The following PLCE1 variants were observed in gnomAD, a reference collection of about 807,000 sequenced individuals.
PLCE1 encodes 1-phosphatidylinositol 4,5-bisphosphate phosphodiesterase epsilon-1.
PLCE1 carries 119 observed loss-of-function variants against 242.8 expected under a neutral mutation model. That is an observed-to-expected ratio of 0.49 (90% CI 0.42 to 0.57). The LOEUF is 0.57. PLCE1 is among the 20% of genes least tolerant of loss of function. The pLI is 0.00. For missense variants in PLCE1, 2,441 were observed against 2,788.8 expected (o/e 0.88, Z 2.81); for synonymous variants, 945 against 1,017.4 (o/e 0.93, Z 1.35).
At chr10:94,087,489 G>A (rs1366781003) in intron 2 of PLCE1, among the ~76,000 whole-genome samples, 1 of 151,696 alleles carries the variant, frequency 6.6e-6, no homozygotes, top group Non-Finnish European at 1.5e-5. Flanking sequence ...CATCCAGGCT[G>A]GAGTGCAGTG....
chr10:94,137,046 A>C (rs1364926558), intron 3 of PLCE1, among the ~76,000 whole-genome samples: 1 of 152,178 alleles, frequency 6.6e-6, no homozygotes, highest in Non-Finnish European at 1.5e-5. Flanking sequence ...CAAAAAAATT[A>C]GCCGGGTATG....
chr10:94,171,673 C>T (rs1286335694), intron 4 of PLCE1, among the ~76,000 whole-genome samples, 177 bp downstream of exon 4: 1 of 152,048 alleles, frequency 6.6e-6, no homozygotes, highest in Non-Finnish European at 1.5e-5. Context: ...GCAATCCTTC[C>T]TCTCACTGTA....
chr10:94,301,150 G>T (rs1407735576), intron 24 of PLCE1, among the ~76,000 whole-genome samples: 1 of 151,946 alleles, frequency 6.6e-6, no homozygotes, highest in African/African-American at 2.4e-5. Context: ...TTCAAGACCA[G>T]CCTGGCCAAC....
chr10:94,098,347 A>G (rs143455033), intron 2 of PLCE1, among the ~76,000 whole-genome samples: 5 of 152,296 alleles, frequency 3.3e-5, no homozygotes, highest in East Asian at 3.9e-4. Flanking sequence ...TGTTTTATCA[A>G]TCTCCCCTCA....
intron 1 of PLCE1, among the ~76,000 whole-genome samples, chr10:93,995,727 C>T (rs1443186049): frequency 6.6e-6 from 1 of 152,228 alleles, no homozygotes; most frequent in African/African-American, 2.4e-5. Context: ...TACCCAGGAG[C>T]CATGTCTTAC....
chr10:94,313,196 T>C, intron 27 of PLCE1, 58 bp from the exon 28 acceptor site: 2 of 1,604,138 alleles, frequency 1.2e-6, no homozygotes, highest in South Asian at 2.2e-5. Flanking sequence ...CTGTATCAAA[T>C]AGAGCTTAGA....
chr10:94,033,598 G>C (rs1032892064), intron 2 of PLCE1, among the ~76,000 whole-genome samples: 1 of 151,952 alleles, frequency 6.6e-6, no homozygotes, highest in Non-Finnish European at 1.5e-5. Flanking sequence ...TCCTCAACCA[G>C]ATTTCCAGGT....
intron 26 of PLCE1, among the ~76,000 whole-genome samples, chr10:94,308,180 C>T (rs920447523): frequency 5.9e-5 from 9 of 152,216 alleles, no homozygotes; most frequent in Non-Finnish European, 1.2e-4. Context: ...CTTACACTTA[C>T]AGTCATACCA....
chr10:94,145,413 A>G (rs1250518270), intron 3 of PLCE1, among the ~76,000 whole-genome samples: 1 of 152,194 alleles, frequency 6.6e-6, no homozygotes, highest in Admixed American at 6.5e-5. Flanking sequence ...ACCCCATGCC[A>G]TACTCACTGA....
In PLCE1 at chr10:94,111,072, T is replaced by C. The variant is rs541369814; in HGVS notation, c.1207-21102T>C. ...TGTTCTAGAATCATGCACTGATACA[T>C]CCCAAATACCCACTCCCTGGGAGAC... On this transcript the variant is annotated intron_variant, in intron 2 of 32. Transcript: ENST00000371380. Among the ~76,000 whole-genome samples, 5 of 152,282 alleles carry C rather than the reference T, an allele frequency of 3.3e-5. No homozygotes were observed. In the East Asian group the frequency reaches 7.7e-4, roughly 24 times the overall value.
rs189200120 is a variant in PLCE1 at position 94,309,054 on chromosome 10, A to G, written c.6003+355A>G. On this transcript the variant is annotated intron_variant, in intron 27 of 32. Transcript: ENST00000371380. The stretch of plus-strand genomic sequence containing the variant: ...TGTCTATCAGGGAAGTAAGCCAAAT[A>G]TAACAAAGTGAGGAAGAGGCTTATT... Among the ~76,000 whole-genome samples, 150 of 152,366 alleles carry G rather than the reference A, an allele frequency of 9.8e-4. 1 individual carries two copies. The highest frequency in any genetic ancestry group is 5.4e-4 in the Non-Finnish European group (37 of 68,034).
chr10:94,089,017 A>G, intron 2 of PLCE1: 1 of 1,490,996 alleles, frequency 6.7e-7, no homozygotes, highest in Non-Finnish European at 9.2e-7. Context: ...GCTAATGTAA[A>G]CACTCATCAC....
chr10:94,240,014 C>A (rs898494195), intron 7 of PLCE1, among the ~76,000 whole-genome samples: 13 of 152,124 alleles, frequency 8.5e-5, no homozygotes, highest in Non-Finnish European at 5.9e-5. Flanking sequence ...TACCTGGGAT[C>A]CTGTATTTCT....
intron 3 of PLCE1, among the ~76,000 whole-genome samples, chr10:94,159,867 T>G (rs1181370514): frequency 6.6e-6 from 1 of 151,920 alleles, no homozygotes; most frequent in Admixed American, 6.6e-5. Flanking sequence ...GAACGTGCGG[T>G]GTTTGGTTTT....
At chr10:94,318,423 T>G (rs191119385) in intron 29 of PLCE1, among the ~76,000 whole-genome samples, 41 of 152,354 alleles carry the variant, frequency 2.7e-4, no homozygotes, top group Non-Finnish European at 5.1e-4. Flanking sequence ...TACTTGTGTA[T>G]GATTTACAGC....
intron 1 of PLCE1, among the ~76,000 whole-genome samples, chr10:94,029,523 A>G (rs1489829486): frequency 6.6e-6 from 1 of 152,120 alleles, no homozygotes; most frequent in Non-Finnish European, 1.5e-5. Context: ...GCTGTGTGAT[A>G]GGATTTGTTA....
chr10:94,041,937 G>C (rs1336619838), intron 2 of PLCE1, among the ~76,000 whole-genome samples: 1 of 151,922 alleles, frequency 6.6e-6, no homozygotes, highest in Non-Finnish European at 1.5e-5. Flanking sequence ...TGTGACTTGA[G>C]CAAGTCACTT....
At chr10:94,070,920 A>G (rs932687401) in intron 2 of PLCE1, among the ~76,000 whole-genome samples, 1 of 152,136 alleles carries the variant, frequency 6.6e-6, no homozygotes, top group African/African-American at 2.4e-5. Flanking sequence ...TGTACTGGCC[A>G]ACATTAATCC....
In PLCE1 at chr10:94,306,407, T is replaced by C. The variant is rs73321818; in HGVS notation, c.5623-20T>C. On this transcript the variant is annotated intron_variant, in intron 25 of 32. Transcript: ENST00000371380. The surrounding 1 kb of genome is among the most constrained non-coding windows in gnomAD (Gnocchi z 5.7). Reference sequence around the variant, plus strand: ...TTTTATCCTCGGTGACTTTGATCCCTTTTGTCTCCCTCACCCTAGATTGTC... The same window carrying C: ...TTTTATCCTCGGTGACTTTGATCCCCTTTGTCTCCCTCACCCTAGATTGTC... The C allele has an allele frequency of 6.2e-7, 1 of 1,614,034 alleles. No homozygotes were observed. The highest frequency in any genetic ancestry group is 8.5e-7 in the Non-Finnish European group (1 of 1,179,992).
Sources: gnomAD v4.1 joint callset for allele counts (sites outside exome capture counted in the v4.1 genomes callset) on GRCh38, gnomAD v4.1.1 for gene constraint, Gnocchi (gnomAD v3.1) non-coding constraint, MANE v1.5 for transcripts, NCBI Gene and HGNC (gene_info 2026-07-23, HGNC 2026-07-21) for gene names.